THSD4: variants seen among roughly 807,000 people sequenced by gnomAD.
THSD4 encodes the protein thrombospondin type 1 domain containing 4.
A neutral mutation model predicts 119.0 loss-of-function variants in THSD4; 69 were observed. That is an observed-to-expected ratio of 0.58 (90% confidence interval 0.48 to 0.71). The LOEUF (loss-of-function observed/expected upper bound fraction) is 0.71, where lower values mean the gene tolerates loss of function less well. Ranked by LOEUF, THSD4 falls within the 30% of genes least tolerant of loss-of-function variation. THSD4 has a pLI of 0.00. For synonymous variants in THSD4, 524 were observed against 540.4 expected (o/e 0.97, Z 0.42); for missense variants, 1,393 against 1,391.1 (o/e 1.00, Z -0.02).
At chr15:71,466,868 C>T (rs1350935683) in intron 7 of THSD4, among the ~76,000 whole-genome samples, 1 of 152,216 alleles carries the variant, frequency 6.6e-6, no homozygotes, top group Admixed American at 6.5e-5. Flanking sequence ...TGGACTGGGC[C>T]TGAGCCCTGT....
intron 1 of THSD4, among the ~76,000 whole-genome samples, chr15:71,135,392 C>CAAAAAAAAAAAAA (rs1170278742): frequency 8.2e-6 from 1 of 122,528 alleles, no homozygotes; most frequent in African/African-American, 3.2e-5. Context: ...TACTAAATGA[C>CAAAAAAAAAAAAA]AAAAAAAAAA....
At chr15:71,307,646 G>A (rs1180128727) in intron 6 of THSD4, among the ~76,000 whole-genome samples, 1 of 152,162 alleles carries the variant, frequency 6.6e-6, no homozygotes, top group Non-Finnish European at 1.5e-5. Flanking sequence ...GGGGGCACCT[G>A]TAATCCCAGC....
intron 5 of THSD4, among the ~76,000 whole-genome samples, chr15:71,245,555 A>G (rs1596289112): frequency 6.6e-6 from 1 of 152,224 alleles, no homozygotes; most frequent in East Asian, 1.9e-4. Flanking sequence ...CATAGGCCGA[A>G]GAGCATAGGA....
At chr15:71,595,191 G>A (rs2049885330) in intron 7 of THSD4, among the ~76,000 whole-genome samples, 1 of 152,190 alleles carries the variant, frequency 6.6e-6, no homozygotes, top group Non-Finnish European at 1.5e-5. Flanking sequence ...GGTACTATGA[G>A]TGGACAGGCC....
At chr15:71,435,367 T>A (rs57589422) in intron 7 of THSD4, among the ~76,000 whole-genome samples, 8 of 152,096 alleles carry the variant, frequency 5.3e-5, no homozygotes, top group African/African-American at 1.9e-4. Context: ...TAGATCTGAT[T>A]TCTGCCTTTT....
intron 14 of THSD4, among the ~76,000 whole-genome samples, chr15:71,755,639 C>G (rs971665176): frequency 6.0e-5 from 8 of 134,292 alleles, no homozygotes. Flanking sequence ...GAATAAGACA[C>G]TGACCTGAGA....
intron 1 of THSD4, among the ~76,000 whole-genome samples, chr15:71,099,926 A>C (rs528795345): frequency 6.6e-6 from 1 of 152,326 alleles, no homozygotes; most frequent in Admixed American, 6.5e-5. Context: ...TGCCACATAC[A>C]GTCATCCGGC....
chr15:71,700,718 A>T (rs893389268), intron 8 of THSD4, among the ~76,000 whole-genome samples: 33 of 152,152 alleles, frequency 2.2e-4, no homozygotes, highest in African/African-American at 7.2e-4. Context: ...GATACCAAAG[A>T]GATGGTAATG....
At chr15:71,180,633 T>C (rs1040092527) in intron 3 of THSD4, among the ~76,000 whole-genome samples, 1 of 152,182 alleles carries the variant, frequency 6.6e-6, no homozygotes, top group Non-Finnish European at 1.5e-5. Context: ...CGAAATAATT[T>C]CAGAGCCATT....
chr15:71,578,378 C>T (rs1341047429), intron 7 of THSD4, among the ~76,000 whole-genome samples: 1 of 151,970 alleles, frequency 6.6e-6, no homozygotes, highest in Admixed American at 6.6e-5. Context: ...ATTATGATGT[C>T]AACCTGTTTG....
chr15:71,466,410 G>C (rs147078900), intron 7 of THSD4, among the ~76,000 whole-genome samples: 1 of 151,482 alleles, frequency 6.6e-6, no homozygotes, highest in African/African-American at 2.4e-5. Flanking sequence ...GGTCAGACAT[G>C]GTTATGCTGA....
chr15:71,727,699 G>A (rs2052887490), intron 8 of THSD4, among the ~76,000 whole-genome samples: 1 of 140,908 alleles, frequency 7.1e-6, no homozygotes, highest in African/African-American at 2.5e-5. Flanking sequence ...GAGCCCAGGA[G>A]GTTGAGGCTG....
intron 7 of THSD4, among the ~76,000 whole-genome samples, chr15:71,499,407 A>G (rs1234118103): frequency 6.6e-6 from 1 of 152,030 alleles, no homozygotes; most frequent in Non-Finnish European, 1.5e-5. Context: ...GATACCATGT[A>G]CTATATTTTC....
intron 7 of THSD4, among the ~76,000 whole-genome samples, chr15:71,471,937 G>A (rs920906071): frequency 2.0e-5 from 3 of 151,840 alleles, no homozygotes; most frequent in African/African-American, 4.8e-5. Context: ...TGTTCTGAGA[G>A]AGGATCTTGC....
intron 14 of THSD4, among the ~76,000 whole-genome samples, chr15:71,755,290 G>A (rs1338622401): frequency 6.6e-6 from 1 of 152,190 alleles, no homozygotes; most frequent in Non-Finnish European, 1.5e-5. Context: ...GCAGTGGAAA[G>A]GTAAATGTTT....
At chr15:71,709,626 G>A (rs967273454) in intron 8 of THSD4, among the ~76,000 whole-genome samples, 6 of 152,308 alleles carry the variant, frequency 3.9e-5, no homozygotes, top group East Asian at 1.9e-4. Context: ...AGCTGTCTTC[G>A]TATTTTCTTA....
chr15:71,758,842 T>G (rs1486355161), intron 15 of THSD4, among the ~76,000 whole-genome samples: 1 of 152,170 alleles, frequency 6.6e-6, no homozygotes, highest in African/African-American at 2.4e-5. Flanking sequence ...TGGAAAAAAA[T>G]GCACTGCCTT....
intron 6 of THSD4, among the ~76,000 whole-genome samples, chr15:71,347,560 G>A (rs1434835293): frequency 6.6e-6 from 1 of 152,120 alleles, no homozygotes; most frequent in Non-Finnish European, 1.5e-5. Flanking sequence ...GTGTCCCATC[G>A]ATTACCCTTC....
In THSD4 at chr15:71,403,668, A is replaced by G. The variant is rs1320472226; in HGVS notation, c.1016-8019A>G. On this transcript the variant is annotated intron_variant, in intron 6 of 17. Coordinates refer to ENST00000261862, the MANE Select transcript of THSD4 (RefSeq NM_024817.3). ...AGTGAGCAACCTTGAGGGGTAAGAT[A>G]AGTCTCCTTTCGGGACAAATAGTAG... 2.6e-5 allele frequency among the ~76,000 whole-genome samples: 4 copies of G among 152,226 alleles called. No homozygotes were observed. The East Asian group carries it at 7.7e-4, about 29-fold the overall frequency.
Sources: allele counts gnomAD v4.1 joint callset (sites outside exome capture counted in the v4.1 genomes callset), GRCh38; gene constraint gnomAD v4.1.1; transcripts MANE v1.5; gene names NCBI Gene and HGNC (gene_info 2026-07-23, HGNC 2026-07-21).